SYN3: variants seen among roughly 807,000 people sequenced by gnomAD.
SYN3 encodes the protein synapsin-3.
Under a neutral mutation model 65.8 loss-of-function variants are expected in SYN3, and 35 were observed. The ratio of observed to expected loss-of-function variants is 0.53; its 90% confidence interval spans 0.41 to 0.70. The LOEUF (loss-of-function observed/expected upper bound fraction) is 0.70, where lower values mean the gene tolerates loss of function less well. Among genes scored for constraint, SYN3 ranks in the 30% least tolerant of loss-of-function variants. SYN3 has a pLI of 0.00. For synonymous variants in SYN3, 270 were observed against 292.9 expected (o/e 0.92, Z 0.80); for missense variants, 680 against 749.0 (o/e 0.91, Z 1.08).
At chr22:32,942,032 C>T (rs929958700) in intron 3 of SYN3, among the ~76,000 whole-genome samples, 7 of 152,304 alleles carry the variant, frequency 4.6e-5, no homozygotes, top group Admixed American at 3.9e-4. Flanking sequence ...AGGGCATAGC[C>T]GAACAAAAGG....
At chr22:32,753,657 A>T (rs1413005602) in intron 6 of SYN3, among the ~76,000 whole-genome samples, 1 of 152,242 alleles carries the variant, frequency 6.6e-6, no homozygotes, top group East Asian at 1.9e-4. Flanking sequence ...ACTCCAAAGG[A>T]ATCTTTATTC....
At chr22:32,580,266 A>G (rs2058919746) in intron 7 of SYN3, among the ~76,000 whole-genome samples, 2 of 152,238 alleles carry the variant, frequency 1.3e-5, no homozygotes, top group South Asian at 2.1e-4. Flanking sequence ...AGAGTTTTCA[A>G]AATTTTAAAC....
Position 32,508,422 on chromosome 22 carries a change from G to A in SYN3, c.*5270C>T, listed in dbSNP as rs936618570. 2.0e-5 allele frequency among the ~76,000 whole-genome samples: 3 copies of A among 152,048 alleles called. No homozygotes were observed. Among genetic ancestry groups the A allele is most frequent in the East Asian group, 1.9e-4 (1 of 5,146 alleles). On this transcript the variant is annotated 3_prime_UTR_variant, in exon 14 of 14. Coordinates refer to ENST00000358763, the MANE Select transcript of SYN3 (RefSeq NM_003490.4). ...GCTGACTCTCTTTTCGGACTCATCCGGCCTGCACCCAGGTGAAATAAACAG... is the reference window on the plus strand; with the variant it reads ...GCTGACTCTCTTTTCGGACTCATCCAGCCTGCACCCAGGTGAAATAAACAG...
intron 6 of SYN3, among the ~76,000 whole-genome samples, chr22:32,725,892 C>T (rs1055984392): frequency 9.2e-5 from 14 of 152,208 alleles, no homozygotes; most frequent in Non-Finnish European, 1.5e-4. Context: ...CTCTATTCTC[C>T]GCTATGTGTA....
At chr22:32,645,214 G>A (rs1253433739) in intron 6 of SYN3, among the ~76,000 whole-genome samples, 5 of 152,170 alleles carry the variant, frequency 3.3e-5, no homozygotes, top group African/African-American at 1.2e-4. Context: ...GAGAGCTAAG[G>A]GCCGAGGAGG....
chr22:33,017,847 G>A (rs888195109), intron 1 of SYN3, among the ~76,000 whole-genome samples: 1 of 151,658 alleles, frequency 6.6e-6, no homozygotes, highest in Admixed American at 6.6e-5. Context: ...TCTTTCAGGA[G>A]TGATCTTTAG....
intron 3 of SYN3, among the ~76,000 whole-genome samples, chr22:32,951,022 A>T (rs761314996): frequency 3.9e-5 from 6 of 152,174 alleles, no homozygotes; most frequent in Non-Finnish European, 8.8e-5. Flanking sequence ...AAATTCCTTT[A>T]AAAAACATCA....
chr22:32,891,977 C>CTAATAATAATAATAATAATAATAA (rs57171093), intron 4 of SYN3, among the ~76,000 whole-genome samples: 2 of 148,250 alleles, frequency 1.3e-5, no homozygotes, highest in Admixed American at 6.8e-5. Flanking sequence ...TCCTTTTTAG[C>CTAATAATAATAATAATAATAATAA]TAATAATAAT....
chr22:32,541,516 C>T lies in SYN3; in HGVS notation c.917+55G>A, dbSNP rs527482833. 42 of 1,604,572 alleles carry T rather than the reference C, an allele frequency of 2.6e-5. 1 individual carries two copies. The East Asian group carries it at 8.9e-4, about 34-fold the overall frequency. ...GTGCAGGAGACAGCGGCTGGACATG[C>T]ACCTCTGGGCTGCCTTCCTCCCACA... On this transcript the variant is annotated intron_variant, in intron 8 of 13. Transcript: ENST00000358763.
intron 4 of SYN3, among the ~76,000 whole-genome samples, chr22:32,925,243 C>T (rs774926225): frequency 2.6e-5 from 4 of 152,124 alleles, no homozygotes; most frequent in Non-Finnish European, 4.4e-5. Context: ...GGTGTTTTCC[C>T]GTGTCTAAAT....
At chr22:32,545,029 T>C (rs1024251580) in intron 7 of SYN3, among the ~76,000 whole-genome samples, 1 of 152,280 alleles carries the variant, frequency 6.6e-6, no homozygotes, top group Non-Finnish European at 1.5e-5. Context: ...TGTGGCCACA[T>C]TTTGGCCAAC....
intron 6 of SYN3, among the ~76,000 whole-genome samples, chr22:32,723,457 C>T (rs2061147442): frequency 6.6e-6 from 1 of 152,160 alleles, no homozygotes. Context: ...AGAGAAGATC[C>T]AGCCCTCTCA....
chr22:32,569,537 ATCTCTCTC>A (rs142418236), intron 7 of SYN3, among the ~76,000 whole-genome samples: 2,719 of 113,494 alleles, frequency 0.024, 94 homozygotes, highest in African/African-American at 0.076. Context: ...AAATCAATCA[ATCTCTCTC>A]TCTCTCTCTC....
chr22:32,734,212 G>A (rs1254342663), intron 6 of SYN3, among the ~76,000 whole-genome samples: 1 of 152,188 alleles, frequency 6.6e-6, no homozygotes, highest in Non-Finnish European at 1.5e-5. Flanking sequence ...AACTTCCTGA[G>A]CCCTGATTAG....
chr22:32,813,661 C>CG (rs1175352098), intron 6 of SYN3, among the ~76,000 whole-genome samples: 2 of 123,106 alleles, frequency 1.6e-5, no homozygotes, highest in African/African-American at 6.7e-5. Flanking sequence ...GAGTAACACC[C>CG]AATTTTTTTT....
At chr22:32,596,286 A>G (rs986698731) in intron 7 of SYN3, among the ~76,000 whole-genome samples, 7 of 152,192 alleles carry the variant, frequency 4.6e-5, no homozygotes, top group African/African-American at 1.7e-4. Context: ...TCTTTAGAGC[A>G]GCGTGAGAAT....
intron 2 of SYN3, among the ~76,000 whole-genome samples, chr22:32,995,909 C>T (rs556132699): frequency 6.6e-6 from 1 of 152,236 alleles, no homozygotes; most frequent in Non-Finnish European, 1.5e-5. Context: ...GGTCTGCCTC[C>T]CAAAGTGCTG....
intron 6 of SYN3, among the ~76,000 whole-genome samples, chr22:32,597,204 C>CTTTTTTTTTTTTTTTTTTT (rs6147592): frequency 1.1e-5 from 1 of 87,372 alleles, no homozygotes; most frequent in Non-Finnish European, 2.2e-5. Context: ...ACATTATTCT[C>CTTTTTTTTTTTTTTTTTTT]TTTTTTTTTT....
At chr22:32,613,029 G>C (rs1483570778) in intron 6 of SYN3, among the ~76,000 whole-genome samples, 2 of 151,938 alleles carry the variant, frequency 1.3e-5, no homozygotes, top group Non-Finnish European at 2.9e-5. Context: ...TGGTTTAAAA[G>C]TGTGTGGCAC....
Sources: gnomAD v4.1 joint callset for allele counts (sites outside exome capture counted in the v4.1 genomes callset) on GRCh38, gnomAD v4.1.1 for gene constraint, MANE v1.5 for transcripts, NCBI Gene and HGNC (gene_info 2026-07-23, HGNC 2026-07-21) for gene names.